The following ADAMTSL1 variants were observed in gnomAD, a reference collection of about 807,000 sequenced individuals.
The protein encoded by ADAMTSL1 is ADAMTS-like protein 1.
In ADAMTSL1, 126 loss-of-function variants were observed where a neutral mutation model predicts 201.8. That is an observed-to-expected ratio of 0.62 (90% CI 0.54 to 0.72). The LOEUF is 0.72. Among genes scored for constraint, ADAMTSL1 ranks in the 30% least tolerant of loss-of-function variants. ADAMTSL1 has a pLI of 0.00. For missense variants in ADAMTSL1, 2,679 were observed against 2,277.8 expected, an observed-to-expected ratio of 1.18 and a Z score of -3.59; for synonymous variants, 1,121 against 903.4, an observed-to-expected ratio of 1.24 and a Z score of -4.32.
rs186650671 is a variant in ADAMTSL1, at chr9:18,447,618, T to G, written c.208-57211T>G. Reference sequence around the variant, plus strand: ...GGCACCTGATGCAAAACAAAATGTCTCGCAATTATAAGTGTGTGTTTGGAG... The same window carrying G: ...GGCACCTGATGCAAAACAAAATGTCGCGCAATTATAAGTGTGTGTTTGGAG... On this transcript the variant is annotated intron_variant, in intron 2 of 29. Transcript: ENST00000680146. Among the ~76,000 whole-genome samples, 212 of 152,326 alleles carry G rather than the reference T, an allele frequency of 1.4e-3. 2 individuals are homozygous for G. Among genetic ancestry groups the G allele is most frequent in the African/African-American group, 4.8e-3 (198 of 41,590 alleles).
At chr9:18,562,609 G>A (rs1458203353) in intron 3 of ADAMTSL1, among the ~76,000 whole-genome samples, 1 of 152,188 alleles carries the variant, frequency 6.6e-6, no homozygotes, top group Non-Finnish European at 1.5e-5. Context: ...CTGGAAGAGT[G>A]TTTTCTACTT....
intron 8 of ADAMTSL1, among the ~76,000 whole-genome samples, chr9:18,659,724 G>C (rs148104708): frequency 3.9e-5 from 6 of 152,152 alleles, no homozygotes; most frequent in African/African-American, 7.2e-5. Context: ...CCAAGATCAT[G>C]CCACTGTACT....
chr9:18,330,969 G>T (rs748771027), intron 2 of ADAMTSL1, among the ~76,000 whole-genome samples: 6 of 152,220 alleles, frequency 3.9e-5, no homozygotes, highest in Non-Finnish European at 8.8e-5. Flanking sequence ...AGGAAGAGAA[G>T]TGAAGATAAA....
chr9:18,722,867 C>T, intron 15 of ADAMTSL1: 1 of 667,660 alleles, frequency 1.5e-6, no homozygotes, highest in Non-Finnish European at 2.7e-6. Context: ...AGGTCCTGTA[C>T]ATGAAATCCT....
chr9:18,470,403 T>C (rs1235645038), upstream of ADAMTSL1, among the ~76,000 whole-genome samples: 12 of 152,222 alleles, frequency 7.9e-5, no homozygotes, highest in Admixed American at 7.9e-4. Context: ...CCTATACTTT[T>C]ATCTTAGTCG....
intron 1 of ADAMTSL1, among the ~76,000 whole-genome samples, chr9:18,064,185 G>A (rs915966684): frequency 2.0e-5 from 3 of 152,142 alleles, no homozygotes; most frequent in Admixed American, 6.5e-5. Context: ...TGTGCAGCTG[G>A]ATGGGATCCT....
intron 2 of ADAMTSL1, among the ~76,000 whole-genome samples, chr9:18,239,415 T>C (rs756582309): frequency 4.6e-5 from 7 of 152,166 alleles, no homozygotes; most frequent in Non-Finnish European, 7.3e-5. Flanking sequence ...CTTCACAGCA[T>C]CTTCACCAGG....
intron 2 of ADAMTSL1, among the ~76,000 whole-genome samples, chr9:18,179,234 A>T (rs1359483843): frequency 1.3e-5 from 2 of 152,222 alleles, no homozygotes; most frequent in Non-Finnish European, 2.9e-5. Context: ...AGAATGCAGA[A>T]GCCACAGGAG....
chr9:18,554,469 G>A (rs111743943), intron 3 of ADAMTSL1, among the ~76,000 whole-genome samples: 2 of 151,824 alleles, frequency 1.3e-5, no homozygotes, highest in African/African-American at 4.8e-5. Flanking sequence ...CTCTTGAGGA[G>A]GATGTTGGCA....
intron 15 of ADAMTSL1, among the ~76,000 whole-genome samples, chr9:18,742,246 A>G (rs1034823446): frequency 2.0e-5 from 3 of 152,192 alleles, no homozygotes; most frequent in South Asian, 2.1e-4. Flanking sequence ...TCCAACCCAT[A>G]ATAAGGAGAA....
chr9:17,962,759 T>TTTTA (rs1563921532), intron 1 of ADAMTSL1, among the ~76,000 whole-genome samples: 3 of 152,268 alleles, frequency 2.0e-5, no homozygotes, highest in Non-Finnish European at 2.9e-5. Context: ...AAATTTCAGG[T>TTTTA]ATGCTTTCAT....
At chr9:18,344,602 G>C (rs1051608969) in intron 2 of ADAMTSL1, among the ~76,000 whole-genome samples, 3 of 152,114 alleles carry the variant, frequency 2.0e-5, no homozygotes, top group Non-Finnish European at 2.9e-5. Context: ...ATTCCGTATG[G>C]AGAAGTCCAA....
At chr9:18,525,483 A>G (rs1476657326) in intron 2 of ADAMTSL1, among the ~76,000 whole-genome samples, 132 of 152,042 alleles carry the variant, frequency 8.7e-4, no homozygotes, top group Non-Finnish European at 5.9e-5. Flanking sequence ...GCCTTCTGCT[A>G]GCTTTTGAAT....
chr9:18,674,221 CAA>C (rs869081776), intron 9 of ADAMTSL1, among the ~76,000 whole-genome samples: 4,835 of 107,396 alleles, frequency 0.045, 186 homozygotes, highest in African/African-American at 0.12. Flanking sequence ...CACACACACA[CAA>C]ACACACACAT....
intron 2 of ADAMTSL1, among the ~76,000 whole-genome samples, chr9:18,467,884 G>T (rs1821065836): frequency 1.3e-5 from 2 of 152,270 alleles, no homozygotes; most frequent in African/African-American, 4.8e-5. Flanking sequence ...TCTGTATATT[G>T]TCTATAAATC....
chr9:18,586,002 C>G (rs1205731609), intron 4 of ADAMTSL1, among the ~76,000 whole-genome samples: 1 of 152,074 alleles, frequency 6.6e-6, no homozygotes, highest in Non-Finnish European at 1.5e-5. Context: ...GAGCAAAAGC[C>G]AGAAAATTCC....
chr9:17,914,498 A>G (rs1430963227), intron 1 of ADAMTSL1, among the ~76,000 whole-genome samples: 2 of 152,146 alleles, frequency 1.3e-5, no homozygotes, highest in African/African-American at 2.4e-5. Context: ...CTCTCAATAA[A>G]TTAGGTGTTG....
chr9:18,348,121 C>T (rs1835804960), intron 2 of ADAMTSL1, among the ~76,000 whole-genome samples: 1 of 152,188 alleles, frequency 6.6e-6, no homozygotes, highest in African/African-American at 2.4e-5. Flanking sequence ...TTTAGCTTCT[C>T]ACACTTACTA....
At chr9:17,986,995 T>G (rs1196295275) in intron 1 of ADAMTSL1, among the ~76,000 whole-genome samples, 10 of 152,134 alleles carry the variant, frequency 6.6e-5, no homozygotes. Context: ...ATCCTGAAAT[T>G]AAGTACAGAT....
Sources: gnomAD v4.1 joint callset for allele counts (sites outside exome capture counted in the v4.1 genomes callset) on GRCh38, gnomAD v4.1.1 for gene constraint, MANE v1.5 for transcripts, NCBI Gene and HGNC (gene_info 2026-07-23, HGNC 2026-07-21) for gene names.